PCDHA3: variants seen among roughly 807,000 people sequenced by gnomAD.
PCDHA3 encodes protocadherin alpha-3.
PCDHA3 carries 41 observed loss-of-function variants against 62.2 expected under a neutral mutation model. The ratio of observed to expected loss-of-function variants is 0.66; its 90% CI spans 0.51 to 0.86. The LOEUF (loss-of-function observed/expected upper bound fraction) is 0.86. PCDHA3 is among the 40% of genes least tolerant of loss of function. The pLI is 0.00. For synonymous variants in PCDHA3, 640 were observed against 555.4 expected (o/e 1.15, Z -2.14); for missense variants, 1,304 against 1,241.2 (o/e 1.05, Z -0.76).
In PCDHA3 at chr5:140,876,868, G is replaced by C. The variant is rs563777938; in HGVS notation, c.2394+73277G>C. On this transcript the variant is annotated intron_variant, in intron 1 of 3. Coordinates refer to ENST00000522353, the MANE Select transcript of PCDHA3 (RefSeq NM_018906.3). ...GCCCGAGTACACAGTGTTCGTGAAG[G>C]AGAACAACCCGCCGGGCTGCCACAT... is the stretch of plus-strand genomic sequence containing the variant. 6 of 1,614,160 alleles carry C rather than the reference G, an allele frequency of 3.7e-6. No homozygotes were observed. In the East Asian group the frequency reaches 1.3e-4, roughly 36 times the overall value.
At chr5:140,914,228 C>T (rs2076644066) in intron 1 of PCDHA3, among the ~76,000 whole-genome samples, 1 of 152,084 alleles carries the variant, frequency 6.6e-6, no homozygotes, top group Admixed American at 6.6e-5. Flanking sequence ...AGCTCTAATA[C>T]TATTTGCTTT....
Position 140,877,800 on chromosome 5 carries a change from T to G in PCDHA3, c.2394+74209T>G. 2.5e-6 allele frequency: 4 copies of G among 1,613,522 alleles called. No homozygotes were observed. In the Middle Eastern group the frequency reaches 5.0e-4, roughly 200 times the overall value. On this transcript the variant is annotated intron_variant, in intron 1 of 3. Transcript: ENST00000522353. ...ACCTCATGGCCTTCAGCCCAAGCCT[T>G]CAGCTGTCTCGAGAAGATTGTTTAA...
chr5:140,936,831 A>T lies in PCDHA3; in HGVS notation c.2395-42118A>T, dbSNP rs142448727. 3.1e-3 allele frequency among the ~76,000 whole-genome samples: 478 copies of T among 152,252 alleles called. 2 individuals are homozygous for T. Among genetic ancestry groups the T allele is most frequent in the African/African-American group, 0.011 (455 of 41,554 alleles). Reference sequence around the variant, plus strand: ...GCTATTTTTGGCCCTTTGCATTTCTATATAAATTGTAGATTCAGCTTCTCA... The same window carrying T: ...GCTATTTTTGGCCCTTTGCATTTCTTTATAAATTGTAGATTCAGCTTCTCA... On this transcript the variant is annotated intron_variant, in intron 1 of 3. Transcript: ENST00000522353.
rs199520871 is a variant in PCDHA3 at position 140,848,784 on chromosome 5, G to C, written c.2394+45193G>C. 5.5e-5 allele frequency: 88 copies of C among 1,593,310 alleles called. 12 individuals are homozygous for C. Among genetic ancestry groups the C allele is most frequent in the Non-Finnish European group, 6.9e-5 (80 of 1,164,078 alleles). On this transcript the variant is annotated intron_variant, in intron 1 of 3. Coordinates refer to ENST00000522353, the MANE Select transcript of PCDHA3 (RefSeq NM_018906.3). ...TCGGATCGACCGCGAGGAGCTGTGC[G>C]GGCGGAGCGCGGAGTGCAGCATCCA...
chr5:140,957,827 T>C (rs2095387768), intron 1 of PCDHA3, among the ~76,000 whole-genome samples: 1 of 150,810 alleles, frequency 6.6e-6, no homozygotes, highest in Admixed American at 6.7e-5. Flanking sequence ...TAAGAGAAAG[T>C]GTTAATTGAT....
chr5:140,882,715 A>G (rs143870647), intron 1 of PCDHA3: 102 of 1,614,124 alleles, frequency 6.3e-5, no homozygotes, highest in African/African-American at 1.7e-4. Context: ...GACCTCCGGA[A>G]ACTCGATTTC....
At chr5:140,868,823 G>T (rs576498570) in intron 1 of PCDHA3, 2 of 397,532 alleles carry the variant, frequency 5.0e-6, no homozygotes, top group East Asian at 8.3e-5. Flanking sequence ...ATATTTGGGG[G>T]AAGAAACCCA....
chr5:140,893,853 G>C (rs1395145943), intron 1 of PCDHA3, among the ~76,000 whole-genome samples: 1 of 152,050 alleles, frequency 6.6e-6, no homozygotes. Context: ...CCTACCTCTT[G>C]TATAGAAACA....
rs1554231844 is a variant in PCDHA3, at chr5:140,969,454, A to G, written c.2395-9495A>G. On this transcript the variant is annotated intron_variant, in intron 1 of 3. Coordinates refer to ENST00000522353, the MANE Select transcript of PCDHA3 (RefSeq NM_018906.3). ...AAGAGTTATCTGGTAAACTGAGTAT[A>G]TATAGTATCCACAATTTGATCATAA... 7.9e-6 allele frequency: 12 copies of G among 1,511,706 alleles called. No individual in the cohort carries two copies. The South Asian group carries it at 9.0e-5, about 11-fold the overall frequency. The allele number at this position is 1,511,706 out of a possible 1,614,324, so 93.6% of individuals were successfully genotyped here.
chr5:140,866,283 G>A (rs1554160187), intron 1 of PCDHA3: 1 of 152,094 alleles, frequency 6.6e-6, no homozygotes, highest in Non-Finnish European at 1.5e-5. Context: ...GACAGTGTTT[G>A]GGACAAGTAT....
At chr5:140,836,425 G>T (rs2150260582) in intron 1 of PCDHA3, 4 of 1,613,790 alleles carry the variant, frequency 2.5e-6, no homozygotes, top group African/African-American at 1.3e-5. Context: ...GCGTCGTCGC[G>T]GGCATCGTTG....
At chr5:140,873,858 A>G (rs1238963531) in intron 1 of PCDHA3, among the ~76,000 whole-genome samples, 9 of 152,022 alleles carry the variant, frequency 5.9e-5, no homozygotes, top group African/African-American at 1.9e-4. Context: ...ATGGGTTTTC[A>G]CCATGTTGGC....
chr5:141,000,112 C>T (rs1404445521), intron 3 of PCDHA3, among the ~76,000 whole-genome samples: 1 of 152,128 alleles, frequency 6.6e-6, no homozygotes. Flanking sequence ...CGTCTCTTCC[C>T]TCATCCCCAA....
rs2150318031 is a variant in PCDHA3, at chr5:140,841,549, G to A, written c.2394+37958G>A. The A allele has an allele frequency of 3.1e-6, 5 of 1,613,828 alleles. No homozygotes were observed. The South Asian group carries it at 3.3e-5, about 11-fold the overall frequency. On this transcript the variant is annotated intron_variant, in intron 1 of 3. Transcript: ENST00000522353. ...CCAAAAGACACCGGGACCTTCTGGA[G>A]GTAAGTCTGCAGAATGGCATTTTGT...
intron 1 of PCDHA3, chr5:140,854,000 C>CA (rs112540154): frequency 0.023 from 8,090 of 347,992 alleles, 12 homozygotes; most frequent in Middle Eastern, 0.03. Flanking sequence ...TCATCTCTGC[C>CA]AAAAAAAAAA....
intron 1 of PCDHA3, chr5:140,836,879 C>T: frequency 1.5e-6 from 1 of 674,888 alleles, no homozygotes; most frequent in South Asian, 2.5e-5. Flanking sequence ...TGTATTTGCA[C>T]TAATTATTTG....
chr5:140,846,378 T>C (rs1033282132), intron 1 of PCDHA3, among the ~76,000 whole-genome samples: 4 of 135,270 alleles, frequency 3.0e-5, no homozygotes, highest in Middle Eastern at 3.8e-3. Flanking sequence ...TCTTTCTTTT[T>C]TTTTTTTTTT....
chr5:140,928,835 C>G (rs782027566), intron 1 of PCDHA3: 1 of 1,614,036 alleles, frequency 6.2e-7, no homozygotes, highest in African/African-American at 1.3e-5. Context: ...CCACTTTCCT[C>G]CTCTGTCACT....
rs782460705 is a variant in PCDHA3, at chr5:140,801,558, G to T, written c.361G>T (p.Val121Leu). Residue 121 changes from valine (V) to leucine (L), a missense_variant, in exon 1 of 4, where the codon GTG (valine) becomes TTG (leucine). Val to Leu is a conservative substitution (Grantham distance 32). Coordinates refer to ENST00000522353, the MANE Select transcript of PCDHA3 (RefSeq NM_018906.3). ...DRPLQVFHVE[V>L]EVKDINDNAP... ...GCCGCTGCAGGTTTTCCATGTGGAG[G>T]TGGAAGTGAAGGACATTAATGACAA... is the stretch of plus-strand genomic sequence containing the variant. 1 of 1,614,160 alleles carries T rather than the reference G, an allele frequency of 6.2e-7. No homozygotes were observed. Among genetic ancestry groups the T allele is most frequent in the Non-Finnish European group, 8.5e-7 (1 of 1,180,062 alleles).
Sources: allele counts gnomAD v4.1 joint callset (sites outside exome capture counted in the v4.1 genomes callset), GRCh38; gene constraint gnomAD v4.1.1; transcripts MANE v1.5; gene names NCBI Gene and HGNC (gene_info 2026-07-23, HGNC 2026-07-21).